The following SPATA17 variants were observed in gnomAD, a reference collection of about 807,000 sequenced individuals.
SPATA17 encodes spermatogenesis associated 17.
SPATA17 carries 53 observed loss-of-function variants against 62.2 expected under a neutral mutation model. The ratio of observed to expected loss-of-function variants is 0.85; its 90% CI spans 0.68 to 1.07. The LOEUF (loss-of-function observed/expected upper bound fraction) is 1.07. Among genes scored for constraint, SPATA17 ranks in the 50% least tolerant of loss-of-function variants. The pLI is 0.00. For synonymous variants in SPATA17, 146 were observed against 146.8 expected, an observed-to-expected ratio of 0.99 and a Z score of 0.04; for missense variants, 466 against 425.5, an observed-to-expected ratio of 1.10 and a Z score of -0.84.
intron 9 of SPATA17, among the ~76,000 whole-genome samples, chr1:217,842,875 A>C (rs61827091): frequency 0.032 from 4,835 of 152,092 alleles, 112 homozygotes; most frequent in Middle Eastern, 0.068. Context: ...TAATCTATGT[A>C]TATAAGGCTA....
At chr1:217,838,071 T>A (rs1176932518) in intron 9 of SPATA17, among the ~76,000 whole-genome samples, 1 of 152,186 alleles carries the variant, frequency 6.6e-6, no homozygotes. Flanking sequence ...AGTGGCATGT[T>A]ACCCTGATAT....
chr1:217,744,462 CAAAAAAAAAAA>C lies in SPATA17; in HGVS notation c.519+2377_519+2387del, dbSNP rs766645844. 6.9e-3 allele frequency among the ~76,000 whole-genome samples: 210 copies of C among 30,622 alleles called. 38 individuals carry two copies. The highest frequency in any genetic ancestry group is 0.016 in the African/African-American group (184 of 11,474). 20.1% of individuals were successfully genotyped at this position (30,622 alleles called of 152,430 possible). On this transcript the variant is annotated intron_variant, in intron 6 of 10. Coordinates refer to ENST00000366933, the MANE Select transcript of SPATA17 (RefSeq NM_138796.4). ...TGGGCGACAGAGCGAGACTCCGTCT[CAAAAAAAAAAA>C]AAAAAAAAAAAAGAATTTTCACAAA... is the stretch of plus-strand genomic sequence containing the variant.
intron 1 of SPATA17, among the ~76,000 whole-genome samples, chr1:217,638,238 A>C (rs1669982036): frequency 6.6e-6 from 1 of 152,162 alleles, no homozygotes; most frequent in Non-Finnish European, 1.5e-5. Context: ...GTAATTTTCC[A>C]TAGGTATATA....
intron 9 of SPATA17, among the ~76,000 whole-genome samples, chr1:217,837,120 C>A (rs1357272499): frequency 6.6e-6 from 1 of 151,972 alleles, no homozygotes; most frequent in Non-Finnish European, 1.5e-5. Flanking sequence ...TGACTAGTTT[C>A]TATATGTCTT....
At chr1:217,668,935 G>T in intron 3 of SPATA17, 98 bp from the exon 4 acceptor site, 3 of 1,017,594 alleles carry the variant, frequency 2.9e-6, no homozygotes, top group Non-Finnish European at 3.0e-6. Flanking sequence ...CTCTTATTAT[G>T]TATTATGTAT....
intron 3 of SPATA17, among the ~76,000 whole-genome samples, chr1:217,663,335 C>T (rs1239604914): frequency 1.3e-5 from 2 of 151,694 alleles, no homozygotes; most frequent in Non-Finnish European, 2.9e-5. Context: ...ATCCCAGCCA[C>T]TCGGGAGGCT....
chr1:217,763,461 GA>G (rs894560301), intron 6 of SPATA17, among the ~76,000 whole-genome samples: 2 of 152,048 alleles, frequency 1.3e-5, no homozygotes, highest in African/African-American at 2.4e-5. Flanking sequence ...TGAAGAAATG[GA>G]AAAAAATGTG....
intron 9 of SPATA17, among the ~76,000 whole-genome samples, chr1:217,827,014 T>C (rs1335711015): frequency 6.6e-6 from 1 of 152,064 alleles, no homozygotes; most frequent in East Asian, 1.9e-4. Context: ...TCTAGTCTAC[T>C]GGTATATTTT....
intron 1 of SPATA17, among the ~76,000 whole-genome samples, chr1:217,633,368 T>C (rs1182363820): frequency 6.6e-6 from 1 of 151,976 alleles, no homozygotes; most frequent in Non-Finnish European, 1.5e-5. Context: ...TATAAGTTAA[T>C]GTAGAAATTA....
chr1:217,749,936 C>T (rs1222379135), intron 6 of SPATA17, among the ~76,000 whole-genome samples: 1 of 118,250 alleles, frequency 8.5e-6, no homozygotes, highest in African/African-American at 3.1e-5. Context: ...AGAAATTTGT[C>T]ATAAGATTCT....
At chr1:217,716,568 G>A (rs978774755) in intron 5 of SPATA17, among the ~76,000 whole-genome samples, 2 of 152,176 alleles carry the variant, frequency 1.3e-5, no homozygotes, top group Non-Finnish European at 2.9e-5. Context: ...CACATGTACA[G>A]GGTAGGCAAA....
chr1:217,702,213 C>G (rs1671614465), intron 5 of SPATA17, among the ~76,000 whole-genome samples: 1 of 151,992 alleles, frequency 6.6e-6, no homozygotes, highest in African/African-American at 2.4e-5. Context: ...TCTATTTGTA[C>G]ACATAGATTT....
intron 5 of SPATA17, among the ~76,000 whole-genome samples, chr1:217,739,830 C>T (rs990611538): frequency 6.6e-6 from 1 of 152,020 alleles, no homozygotes; most frequent in Non-Finnish European, 1.5e-5. Context: ...TCAAATATTA[C>T]AAGAAATCAA....
intron 4 of SPATA17, among the ~76,000 whole-genome samples, chr1:217,680,916 C>T (rs1466704113): frequency 1.1e-5 from 1 of 90,996 alleles, no homozygotes; most frequent in Non-Finnish European, 2.0e-5. Flanking sequence ...CAGAGTGAGA[C>T]TCTGTTAAAA....
chr1:217,672,238 G>A (rs962072142), intron 4 of SPATA17, among the ~76,000 whole-genome samples: 6 of 152,126 alleles, frequency 3.9e-5, no homozygotes, highest in African/African-American at 9.7e-5. Flanking sequence ...TAATAAATAC[G>A]ATTCTGCTTT....
At chr1:217,807,152 A>G (rs1451531855) in intron 9 of SPATA17, among the ~76,000 whole-genome samples, 1 of 152,082 alleles carries the variant, frequency 6.6e-6, no homozygotes, top group African/African-American at 2.4e-5. Context: ...TAATGCAAAC[A>G]TAGAAAATCA....
intron 9 of SPATA17, among the ~76,000 whole-genome samples, chr1:217,806,155 C>G (rs914634213): frequency 6.6e-6 from 1 of 152,242 alleles, no homozygotes; most frequent in Non-Finnish European, 1.5e-5. Context: ...TAAAACCTAA[C>G]AAGGCAAATT....
At chr1:217,651,304 G>T (rs551905853) in intron 3 of SPATA17, 126 bp downstream of exon 3, 3 of 678,668 alleles carry the variant, frequency 4.4e-6, no homozygotes, top group East Asian at 6.1e-5. Flanking sequence ...GGACAAAATT[G>T]GGCTTAATTT....
intron 5 of SPATA17, among the ~76,000 whole-genome samples, chr1:217,696,845 C>G (rs1342362561): frequency 6.6e-6 from 1 of 152,130 alleles, no homozygotes; most frequent in Non-Finnish European, 1.5e-5. Flanking sequence ...TCTAGAACCA[C>G]TCTAGTCCCC....
Sources: gnomAD v4.1 joint callset for allele counts (sites outside exome capture counted in the v4.1 genomes callset) on GRCh38, gnomAD v4.1.1 for gene constraint, MANE v1.5 for transcripts, NCBI Gene and HGNC (gene_info 2026-07-23, HGNC 2026-07-21) for gene names.